ATOH8: variants seen among roughly 807,000 people sequenced by gnomAD.
The protein encoded by ATOH8 is transcription factor ATOH8.
Under a neutral mutation model 21.2 loss-of-function variants are expected in ATOH8, and 9 were observed. That is an observed-to-expected ratio of 0.42 (90% CI 0.26 to 0.74). ATOH8 has a LOEUF of 0.74. Among genes scored for constraint, ATOH8 ranks in the 30% least tolerant of loss-of-function variants. ATOH8 has a pLI of 0.24. For missense variants in ATOH8, 524 were observed against 470.9 expected, an observed-to-expected ratio of 1.11 and a Z score of -1.04; for synonymous variants, 253 against 224.0, an observed-to-expected ratio of 1.13 and a Z score of -1.16.
chr2:85,784,324 A>T (rs1377024320), intron 2 of ATOH8, among the ~76,000 whole-genome samples: 1 of 152,046 alleles, frequency 6.6e-6, no homozygotes, highest in Non-Finnish European at 1.5e-5. Context: ...GATTGCTTGC[A>T]TCTGGGATTT....
chr2:85,773,985 T>C, intron 2 of ATOH8: 1 of 660,476 alleles, frequency 1.5e-6, no homozygotes, highest in Non-Finnish European at 1.9e-6. Context: ...ACTCTTCCCT[T>C]GGGGGCCGTG....
At chr2:85,779,394 G>T (rs953502997) in intron 2 of ATOH8, among the ~76,000 whole-genome samples, 1 of 152,280 alleles carries the variant, frequency 6.6e-6, no homozygotes, top group East Asian at 1.9e-4. Flanking sequence ...CACAGGCAGA[G>T]CATGGAGAGG....
intron 2 of ATOH8, among the ~76,000 whole-genome samples, chr2:85,784,553 G>T (rs1164326200): frequency 6.6e-6 from 1 of 151,750 alleles, no homozygotes; most frequent in African/African-American, 2.4e-5. Flanking sequence ...AAAAAAAAAA[G>T]TCAGTTGGGA....
chr2:85,770,247 G>A (rs1573529777), intron 2 of ATOH8, among the ~76,000 whole-genome samples: 1 of 152,156 alleles, frequency 6.6e-6, no homozygotes, highest in African/African-American at 2.4e-5. Flanking sequence ...TGAGCCCAAG[G>A]AACTTGCCTG....
At chr2:85,786,707 G>T (rs1449031466) in intron 2 of ATOH8, among the ~76,000 whole-genome samples, 178 bp from the exon 3 acceptor site, 1 of 152,244 alleles carries the variant, frequency 6.6e-6, no homozygotes, top group African/African-American at 2.4e-5. Flanking sequence ...CAGGGGGACA[G>T]TGTGGGCTCT....
chr2:85,756,567 A>G (rs1221001637), intron 1 of ATOH8, among the ~76,000 whole-genome samples: 1 of 152,118 alleles, frequency 6.6e-6, no homozygotes, highest in Non-Finnish European at 1.5e-5. Context: ...ATGCTGAGAG[A>G]ATACTCATCT....
chr2:85,773,229 A>T (rs72928948), intron 2 of ATOH8: 8,942 of 184,500 alleles, frequency 0.048, 795 homozygotes, highest in East Asian at 0.24. Flanking sequence ...CACATTCATA[A>T]ATACGCCGGT....
Position 85,754,451 on chromosome 2 carries a change from G to A in ATOH8, c.262G>A (p.Gly88Arg), listed in dbSNP as rs778752997. 7.3e-5 allele frequency: 111 copies of A among 1,511,770 alleles called. No homozygotes were observed. The African/African-American group carries it at 1.2e-3, about 16-fold the overall frequency. The allele number at this position is 1,511,770 out of a possible 1,614,324, so 93.6% of individuals were successfully genotyped here. Residue 88 changes from glycine to arginine, a missense_variant, in exon 1 of 3, where the codon GGG (glycine) becomes AGG (arginine). By Grantham distance (125) the Gly-to-Arg change is moderately radical. Transcript: ENST00000306279. ...AGTGGCGCCGGCCGTTCCCCCAAGA[G>A]GGGGCACGGACACAGCCGGGGAGCG... ...VPVAPAVPPRGGTDTAGERGG... is the reference protein window; with the variant it reads ...VPVAPAVPPRRGTDTAGERGG...
In ATOH8 at chr2:85,756,879, G is replaced by A. The variant is rs557344632; in HGVS notation, c.768+1922G>A. Among the ~76,000 whole-genome samples, 8 of 152,298 alleles carry A rather than the reference G, an allele frequency of 5.3e-5. No individual in the cohort carries two copies. In the East Asian group the frequency reaches 1.2e-3, roughly 22 times the overall value. On this transcript the variant is annotated intron_variant, in intron 1 of 2. Coordinates refer to ENST00000306279, the MANE Select transcript of ATOH8 (RefSeq NM_032827.7). ...TGTTTGTTAACAATCAAGGCAGGGT[G>A]CACACTTGGCAGACCCTTTGAGATG... is the stretch of plus-strand genomic sequence containing the variant.
intron 2 of ATOH8, among the ~76,000 whole-genome samples, chr2:85,770,341 G>C (rs1183984567): frequency 6.6e-6 from 1 of 152,176 alleles, no homozygotes; most frequent in Non-Finnish European, 1.5e-5. Context: ...GTGGGGTTGA[G>C]GGGAGGTTGG....
chr2:85,771,983 T>G (rs1276072894), intron 2 of ATOH8, among the ~76,000 whole-genome samples: 2 of 152,262 alleles, frequency 1.3e-5, no homozygotes, highest in Non-Finnish European at 2.9e-5. Flanking sequence ...TCTTCAGTCC[T>G]GAGGCCAGCC....
chr2:85,768,229 C>G (rs1411800356), intron 2 of ATOH8, among the ~76,000 whole-genome samples: 1 of 152,210 alleles, frequency 6.6e-6, no homozygotes, highest in Non-Finnish European at 1.5e-5. Context: ...GCTTCCCAGC[C>G]CTTCCTACCC....
intron 1 of ATOH8, among the ~76,000 whole-genome samples, chr2:85,762,177 T>C (rs1192425354): frequency 6.6e-6 from 1 of 152,166 alleles, no homozygotes; most frequent in Non-Finnish European, 1.5e-5. Flanking sequence ...AATCCTTACC[T>C]CCTTGTGAGA....
chr2:85,759,619 A>C (rs1034768715), intron 1 of ATOH8, among the ~76,000 whole-genome samples: 1 of 152,052 alleles, frequency 6.6e-6, no homozygotes, highest in Non-Finnish European at 1.5e-5. Context: ...TAAAGAACCT[A>C]TTTAGATAGA....
intron 1 of ATOH8, among the ~76,000 whole-genome samples, chr2:85,763,262 G>A (rs1679915826): frequency 1.3e-5 from 2 of 152,118 alleles, no homozygotes; most frequent in African/African-American, 4.8e-5. Flanking sequence ...AAAAATTAAA[G>A]GCTCCATCTT....
rs906317206 is a variant in ATOH8 at position 85,785,130 on chromosome 2, C to T, written c.961-1755C>T. 6.6e-6 allele frequency among the ~76,000 whole-genome samples: 1 copy of T among 152,246 alleles called. No homozygotes were observed. Among genetic ancestry groups the T allele is most frequent in the Non-Finnish European group, 1.5e-5 (1 of 68,038 alleles). ...CTTTACAGCATGCCCAGGAGGACGG[C>T]TCCAGCCAACCCAGCCTCCCCTTCT... On this transcript the variant is annotated intron_variant, in intron 2 of 2. Coordinates refer to ENST00000306279, the MANE Select transcript of ATOH8 (RefSeq NM_032827.7). This position sits in a 1 kb window ranked among gnomAD's most constrained non-coding sequence, Gnocchi z 4.1.
chr2:85,782,681 TG>T, intron 2 of ATOH8, among the ~76,000 whole-genome samples: 1 of 108,984 alleles, frequency 9.2e-6, no homozygotes, highest in East Asian at 2.6e-4. Flanking sequence ...AGTATTTATT[TG>T]TTGTTGTTGT....
chr2:85,783,886 G>GT (rs1680561444), intron 2 of ATOH8, among the ~76,000 whole-genome samples: 1 of 151,998 alleles, frequency 6.6e-6, no homozygotes, highest in African/African-American at 2.4e-5. Flanking sequence ...TTATGAAGAG[G>GT]TATCATTGGC....
In ATOH8 at chr2:85,787,131, GC is replaced by G; in HGVS notation, c.*246del. 3.6e-6 allele frequency: 2 copies of G among 554,452 alleles called. No individual in the cohort carries two copies. The highest frequency in any genetic ancestry group is 6.4e-6 in the Non-Finnish European group (2 of 311,384). The allele number at this position is 554,452 out of a possible 1,614,324, so 34.3% of individuals were successfully genotyped here. On this transcript the variant is annotated 3_prime_UTR_variant, in exon 3 of 3. Transcript: ENST00000306279. ...TGCCTGGTGGGGAGGGGAGAGCTCA[GC>G]CCCCGACTCACTCAGACCCCAAGGC...
Sources: gnomAD v4.1 joint callset for allele counts (sites outside exome capture counted in the v4.1 genomes callset) on GRCh38, gnomAD v4.1.1 for gene constraint, Gnocchi (gnomAD v3.1) non-coding constraint, MANE v1.5 for transcripts, NCBI Gene and HGNC (gene_info 2026-07-23, HGNC 2026-07-21) for gene names.